ABHD12B: variants seen among roughly 807,000 people sequenced by gnomAD.
The protein encoded by ABHD12B is abhydrolase domain containing 12B.
In ABHD12B, 42 loss-of-function variants were observed where a neutral mutation model predicts 50.4. The ratio of observed to expected loss-of-function variants is 0.83; its 90% CI spans 0.65 to 1.08. ABHD12B has a LOEUF of 1.08. ABHD12B is among the 50% of genes least tolerant of loss of function. The probability of loss-of-function intolerance (pLI) is 0.00; values close to 1 mark genes in which losing one functional copy is unlikely to be tolerated. For missense variants in ABHD12B, 479 were observed against 447.7 expected (o/e 1.07, Z -0.63); for synonymous variants, 167 against 160.3 (o/e 1.04, Z -0.32).
At position 50,872,126 on chromosome 14, in the gene ABHD12B, C is replaced by A. The variant is rs1247935130; in HGVS notation, c.-49C>A. The A allele has an allele frequency of 1.6e-6, 2 of 1,217,814 alleles. No individual in the cohort carries two copies. Among genetic ancestry groups the A allele is most frequent in the Non-Finnish European group, 2.1e-6 (2 of 972,296 alleles). 75.4% of individuals were successfully genotyped at this position (1,217,814 alleles called of 1,614,324 possible). ...GCGGGAAGGTCGCGGGCGGCTGCTC[C>A]GGACTGCAGCTCCCGCGGCGGTGGC... is the stretch of plus-strand genomic sequence containing the variant. On this transcript the variant is annotated 5_prime_UTR_variant, in exon 1 of 13. Transcript: ENST00000337334.
At chr14:50,896,448 C>T (rs561323550) in intron 9 of ABHD12B, among the ~76,000 whole-genome samples, 33 of 152,278 alleles carry the variant, frequency 2.2e-4, no homozygotes, top group East Asian at 7.7e-4. Flanking sequence ...TGCACATATA[C>T]GCCCAGATGG....
rs781294981 is a variant in ABHD12B at position 50,881,626 on chromosome 14, G to C, written c.486G>C (p.Lys162Asn). The stretch of plus-strand genomic sequence containing the variant: ...CTTCGCACAGACTGAAGCTGGTAAA[G>C]GTATGTCTGAAGAGGCCTCAAAGCA... ...RAASHRLKLV[K>N]VLSDGGFHVL... is the part of the protein sequence containing the mutation. The change falls in exon 5 of 13, where the codon AAG becomes AAC. Residue 162 changes from lysine (K) to asparagine (N), a missense_variant and splice_region_variant. Transcript: ENST00000337334. The C allele has an allele frequency of 6.2e-7, 1 of 1,606,356 alleles. No individual in the cohort carries two copies. The highest frequency in any genetic ancestry group is 1.4e-5 in the African/African-American group (1 of 73,220).
chr14:50,902,782 G>A (rs898230175), intron 10 of ABHD12B, among the ~76,000 whole-genome samples: 21 of 152,184 alleles, frequency 1.4e-4, no homozygotes, highest in Non-Finnish European at 2.9e-4. Flanking sequence ...GGGGGGACAG[G>A]GAAGCATTGC....
intron 9 of ABHD12B, 117 bp from the exon 10 acceptor site, chr14:50,901,712 T>C (rs2050261802): frequency 3.9e-6 from 2 of 513,318 alleles, no homozygotes; most frequent in Non-Finnish European, 3.2e-6. Flanking sequence ...TTTGTGAAGT[T>C]TACCTTACTT....
In ABHD12B at chr14:50,888,815, C is replaced by T. The variant is rs747310236; in HGVS notation, c.701-9C>T. On this transcript the variant is annotated splice_polypyrimidine_tract_variant and intron_variant, in intron 8 of 12. Coordinates refer to ENST00000337334, the MANE Select transcript of ABHD12B (RefSeq NM_001206673.2). ...TACTGATTTCTTTCTTTCTTTCTTT[C>T]ATTTCAAGGATGCCCAGTTGATGCT... 2.5e-6 allele frequency: 4 copies of T among 1,613,006 alleles called. No individual in the cohort carries two copies. The Admixed American group carries it at 5.0e-5, about 20-fold the overall frequency.
chr14:50,886,764 C>T (rs2050044214), intron 8 of ABHD12B, 80 bp downstream of exon 8: 7 of 1,361,712 alleles, frequency 5.1e-6, no homozygotes, highest in Non-Finnish European at 7.2e-6. Flanking sequence ...ATTGTGTACA[C>T]TTTGAACATA....
chr14:50,904,323 G>C lies in ABHD12B; in HGVS notation c.1062-16G>C. 2 of 1,613,120 alleles carry C rather than the reference G, an allele frequency of 1.2e-6. No individual in the cohort carries two copies. Among genetic ancestry groups the C allele is most frequent in the Non-Finnish European group, 1.7e-6 (2 of 1,179,622 alleles). The stretch of plus-strand genomic sequence containing the variant: ...TAGGGAAAGGGTGTGAGCTGATCTG[G>C]GTCCTTTTTCTACAGAGATTTCCTG... On this transcript the variant is annotated splice_polypyrimidine_tract_variant and intron_variant, in intron 12 of 12. Coordinates refer to ENST00000337334, the MANE Select transcript of ABHD12B (RefSeq NM_001206673.2).
chr14:50,892,259 G>C (rs973781944), intron 9 of ABHD12B: 1 of 238,004 alleles, frequency 4.2e-6, no homozygotes, highest in African/African-American at 2.3e-5. Flanking sequence ...TCTCCTAGAA[G>C]CAAAGCCTGA....
At chr14:50,896,878 T>A (rs1325417341) in intron 9 of ABHD12B, among the ~76,000 whole-genome samples, 3 of 152,178 alleles carry the variant, frequency 2.0e-5, no homozygotes, top group African/African-American at 7.2e-5. Flanking sequence ...CAGACGCGCA[T>A]GAAAAAATTT....
At chr14:50,896,874 C>T (rs558519308) in intron 9 of ABHD12B, among the ~76,000 whole-genome samples, 92 of 152,168 alleles carry the variant, frequency 6.0e-4, no homozygotes, top group African/African-American at 2.0e-3. Context: ...CACACAGACG[C>T]GCATGAAAAA....
intron 5 of ABHD12B, among the ~76,000 whole-genome samples, chr14:50,883,278 T>C (rs2049984835): frequency 6.6e-6 from 1 of 152,222 alleles, no homozygotes; most frequent in African/African-American, 2.4e-5. Flanking sequence ...GGCTCCCACC[T>C]TGGAGTTCTT....
At chr14:50,880,421 T>G (rs1029739303) in intron 3 of ABHD12B, 31 bp from the exon 4 acceptor site, 2 of 1,563,010 alleles carry the variant, frequency 1.3e-6, no homozygotes, top group African/African-American at 2.8e-5. Context: ...TTCCTCTTTC[T>G]ACATTTGTTT....
At position 50,885,138 on chromosome 14, in the gene ABHD12B, G is replaced by A. The variant is rs181132809; in HGVS notation, c.487-476G>A. Among the ~76,000 whole-genome samples, 404 of 152,222 alleles carry A rather than the reference G, an allele frequency of 2.7e-3. 8 individuals are homozygous for A. The highest frequency in any genetic ancestry group is 0.022 in the Admixed American group (342 of 15,286). On this transcript the variant is annotated intron_variant, in intron 5 of 12. Coordinates refer to ENST00000337334, the MANE Select transcript of ABHD12B (RefSeq NM_001206673.2). ...AGTGGCAGAGCCAGCGTGAGACCCCGGGTGTCTGACCCTGCTCAGCCTTCC... is the reference window on the plus strand; with the variant it reads ...AGTGGCAGAGCCAGCGTGAGACCCCAGGTGTCTGACCCTGCTCAGCCTTCC...
At chr14:50,880,421 T>C (rs1029739303) in intron 3 of ABHD12B, 31 bp from the exon 4 acceptor site, 4 of 1,562,892 alleles carry the variant, frequency 2.6e-6, no homozygotes, top group Non-Finnish European at 3.5e-6. Context: ...TTCCTCTTTC[T>C]ACATTTGTTT....
intron 9 of ABHD12B, chr14:50,892,631 T>C (rs2142755632): frequency 1.0e-6 from 1 of 968,122 alleles, no homozygotes; most frequent in East Asian, 1.1e-4. Flanking sequence ...GTTATATGGT[T>C]TCTATATTTT....
intron 9 of ABHD12B, among the ~76,000 whole-genome samples, chr14:50,890,119 C>T (rs958624904): frequency 6.6e-6 from 1 of 152,142 alleles, no homozygotes; most frequent in Non-Finnish European, 1.5e-5. Flanking sequence ...GTTCTAGAAA[C>T]TGAACATTCA....
intron 9 of ABHD12B, among the ~76,000 whole-genome samples, chr14:50,899,408 A>T (rs1162152753): frequency 6.6e-6 from 1 of 152,236 alleles, no homozygotes; most frequent in Non-Finnish European, 1.5e-5. Flanking sequence ...TCTCTATTCT[A>T]TTATTACAGT....
Position 50,901,863 on chromosome 14 carries a change from T to G in ABHD12B, c.815T>G (p.Leu272Arg), listed in dbSNP as rs933504240. Residue 272 changes from leucine to arginine, a missense_variant, in exon 10 of 13, where the codon CTT becomes CGT. By Grantham distance (102) the Leu-to-Arg change is moderately radical. Coordinates refer to ENST00000337334, the MANE Select transcript of ABHD12B (RefSeq NM_001206673.2). ...AACATTCCAGGATTTTTACGTACAC[T>G]TATGGATGCCCTGAGAAAAGACAAA... Reference protein sequence around the residue: ...YRNIPGFLRTLMDALRKDKII... With the variant: ...YRNIPGFLRTRMDALRKDKII... The G allele has an allele frequency of 1.9e-6, 3 of 1,594,534 alleles. No individual in the cohort carries two copies. In the African/African-American group the frequency reaches 4.1e-5, roughly 22 times the overall value.
chr14:50,876,619 T>C (rs1309668186), intron 1 of ABHD12B, among the ~76,000 whole-genome samples: 1 of 152,220 alleles, frequency 6.6e-6, no homozygotes, highest in Non-Finnish European at 1.5e-5. Context: ...TCACCAAGAC[T>C]GTGACATCCT....
Sources: allele counts gnomAD v4.1 joint callset (sites outside exome capture counted in the v4.1 genomes callset), GRCh38; gene constraint gnomAD v4.1.1; transcripts MANE v1.5; gene names NCBI Gene and HGNC (gene_info 2026-07-23, HGNC 2026-07-21).